The following SAMD12 variants were observed in gnomAD, a reference collection of about 807,000 sequenced individuals.
The protein encoded by SAMD12 is sterile alpha motif domain-containing protein 12.
A neutral mutation model predicts 15.0 loss-of-function variants in SAMD12; 9 were observed. The ratio of observed to expected loss-of-function variants is 0.60; its 90% CI spans 0.36 to 1.05. The LOEUF is 1.05. SAMD12 is among the 50% of genes least tolerant of loss of function. The pLI is 0.01. For synonymous variants in SAMD12, 86 were observed against 90.1 expected (o/e 0.96, Z 0.25); for missense variants, 230 against 234.2 (o/e 0.98, Z 0.12).
the SAMD12 span, among the ~76,000 whole-genome samples, chr8:118,144,792 C>T: frequency 5.3e-5 from 8 of 152,066 alleles, no homozygotes; most frequent in African/African-American, 1.7e-4. Flanking sequence ...AACGAGGATG[C>T]GTTTTAGAAA....
At chr8:118,154,246 T>C in the SAMD12 span, among the ~76,000 whole-genome samples, 1 of 152,122 alleles carries the variant, frequency 6.6e-6, no homozygotes, top group African/African-American at 2.4e-5. Flanking sequence ...CTTTTCAGCG[T>C]CATTTCGTTT....
At chr8:118,455,183 A>G (rs897592590) in intron 2 of SAMD12, among the ~76,000 whole-genome samples, 2 of 151,350 alleles carry the variant, frequency 1.3e-5, no homozygotes, top group Admixed American at 6.6e-5. Context: ...CAAGACTACA[A>G]CTTCCTTCCT....
chr8:118,338,247 T>C (rs1817179981), intron 4 of SAMD12, among the ~76,000 whole-genome samples: 1 of 152,236 alleles, frequency 6.6e-6, no homozygotes, highest in Non-Finnish European at 1.5e-5. Flanking sequence ...GCAAGTAATG[T>C]TTTCCCAAAG....
the SAMD12 span, among the ~76,000 whole-genome samples, chr8:118,166,752 C>A: frequency 0.042 from 6,433 of 152,186 alleles, 442 homozygotes; most frequent in African/African-American, 0.14. Context: ...AGGCCTCAAC[C>A]GACTACAGAT....
downstream of SAMD12, among the ~76,000 whole-genome samples, chr8:118,377,362 C>T (rs181379908): frequency 6.4e-3 from 980 of 152,204 alleles, 6 homozygotes; most frequent in Admixed American, 0.013. Context: ...TGCGCCACTG[C>T]ACTCCAGCTG....
intron 1 of SAMD12, among the ~76,000 whole-genome samples, chr8:118,615,216 T>C (rs1203692872): frequency 6.6e-6 from 1 of 152,088 alleles, no homozygotes; most frequent in Admixed American, 6.5e-5. Context: ...TTCCCACCCA[T>C]CAAAATCCTA....
At chr8:118,349,366 TA>T (rs1258015315) in intron 4 of SAMD12, among the ~76,000 whole-genome samples, 2 of 151,788 alleles carry the variant, frequency 1.3e-5, no homozygotes, top group African/African-American at 2.4e-5. Context: ...CAGGTGGATG[TA>T]AAAAGTATGG....
intron 2 of SAMD12, among the ~76,000 whole-genome samples, chr8:118,571,436 A>T (rs916736888): frequency 4.6e-5 from 7 of 152,260 alleles, no homozygotes; most frequent in Non-Finnish European, 1.0e-4. Flanking sequence ...AGAAATTTGC[A>T]TAACTAACGA....
At position 118,513,960 on chromosome 8, in the gene SAMD12, C is replaced by T. The variant is rs558962133; in HGVS notation, c.192+66755G>A. The stretch of plus-strand genomic sequence containing the variant: ...TTGTGGGAATTCAGGTCAAAAGTTT[C>T]TAGAAAACCTGATTTTCTAACAAAC... On this transcript the variant is annotated intron_variant, in intron 2 of 3. Transcript: ENST00000314727. 2.6e-5 allele frequency among the ~76,000 whole-genome samples: 4 copies of T among 152,298 alleles called. No homozygotes were observed. The Middle Eastern group carries it at 0.01, about 389-fold the overall frequency.
At chr8:118,197,079 C>T (rs1222973130) in exon 5 of SAMD12, 4 of 148,908 alleles carry the variant, frequency 2.7e-5, no homozygotes, top group African/African-American at 9.9e-5. Flanking sequence ...CAGTCTGAGC[C>T]GGAAAAAAAA....
At chr8:118,403,955 A>G (rs1820993063) in intron 3 of SAMD12, among the ~76,000 whole-genome samples, 1 of 152,136 alleles carries the variant, frequency 6.6e-6, no homozygotes, top group Non-Finnish European at 1.5e-5. Context: ...TCTCAGTGTC[A>G]TGTGTTTTGC....
chr8:118,175,262 G>T, the SAMD12 span, among the ~76,000 whole-genome samples: 8 of 152,088 alleles, frequency 5.3e-5, no homozygotes, highest in Non-Finnish European at 1.5e-5. Flanking sequence ...TTTAATAAAT[G>T]GTGCTGGCAT....
At chr8:118,607,664 T>A (rs1388203832) in intron 1 of SAMD12, among the ~76,000 whole-genome samples, 1 of 152,200 alleles carries the variant, frequency 6.6e-6, no homozygotes, top group Non-Finnish European at 1.5e-5. Flanking sequence ...GGGATGATAA[T>A]GAAACCTACC....
chr8:118,598,855 C>T (rs538343299), intron 1 of SAMD12, among the ~76,000 whole-genome samples: 1 of 152,222 alleles, frequency 6.6e-6, no homozygotes, highest in South Asian at 2.1e-4. Flanking sequence ...CCTGGCCAAC[C>T]ATGAGCAATC....
At chr8:118,586,711 C>T (rs1410229170) in intron 1 of SAMD12, among the ~76,000 whole-genome samples, 2 of 152,078 alleles carry the variant, frequency 1.3e-5, no homozygotes, top group Non-Finnish European at 2.9e-5. Context: ...ATTGACAGGT[C>T]TGCTAAATCT....
chr8:118,461,573 T>C (rs1823424228), intron 2 of SAMD12, among the ~76,000 whole-genome samples: 1 of 152,106 alleles, frequency 6.6e-6, no homozygotes, highest in South Asian at 2.1e-4. Flanking sequence ...GTATTTTACG[T>C]ATGTACATAC....
chr8:118,379,424 T>G lies in SAMD12; in HGVS notation c.599A>C (p.Gln200Pro). The G allele has an allele frequency of 6.2e-7, 1 of 1,613,110 alleles. No individual in the cohort carries two copies. The highest frequency in any genetic ancestry group is 8.5e-7 in the Non-Finnish European group (1 of 1,179,472). The change falls in exon 4 of 4, where the codon CAG becomes CCG. Residue 200 changes from glutamine to proline, a missense_variant. Coordinates refer to ENST00000314727, the MANE Select transcript of SAMD12 (RefSeq NM_207506.3). ...HRISIIENSI[Q>P]I Reference sequence around the variant, plus strand: ...TTTCAAAGGGAAGTAATCTTAAATCTGTATACTATTTTCTATGATGGAAAT... The same window carrying G: ...TTTCAAAGGGAAGTAATCTTAAATCGGTATACTATTTTCTATGATGGAAAT...
the SAMD12 span, among the ~76,000 whole-genome samples, chr8:118,155,179 A>C: frequency 1.7e-4 from 26 of 152,272 alleles, no homozygotes; most frequent in African/African-American, 6.3e-4. Context: ...ATGTATTATA[A>C]AGTGTGGGTT....
chr8:118,141,753 C>T, the SAMD12 span, among the ~76,000 whole-genome samples: 1 of 152,198 alleles, frequency 6.6e-6, no homozygotes, highest in Non-Finnish European at 1.5e-5. Context: ...TTACCTTTTG[C>T]TGTGCCACCT....
Sources: allele counts gnomAD v4.1 joint callset (sites outside exome capture counted in the v4.1 genomes callset), GRCh38; gene constraint gnomAD v4.1.1; transcripts MANE v1.5; gene names NCBI Gene and HGNC (gene_info 2026-07-23, HGNC 2026-07-21).